TCF4: variants seen among roughly 807,000 people sequenced by gnomAD.
The protein encoded by TCF4 is transcription factor 4.
Under a neutral mutation model 82.1 loss-of-function variants are expected in TCF4, and 3 were observed. The ratio of observed to expected loss-of-function variants is 0.04; its 90% CI spans 0.02 to 0.09. The LOEUF is 0.09. Among genes scored for constraint, TCF4 ranks in the 10% least tolerant of loss-of-function variants. The pLI, the probability that TCF4 is intolerant of heterozygous loss-of-function variation, is 1.00. For missense variants in TCF4, 518 were observed against 852.7 expected, an observed-to-expected ratio of 0.61 and a Z score of 4.89; for synonymous variants, 276 against 309.6, an observed-to-expected ratio of 0.89 and a Z score of 1.14.
rs541744884 is a variant in TCF4, at chr18:55,391,779, A to T, written c.369+11675T>A. Among the ~76,000 whole-genome samples the T allele has an allele frequency of 1.8e-4, 27 of 149,800 alleles. No homozygotes were observed. The East Asian group carries it at 1.8e-3, about 10-fold the overall frequency. On this transcript the variant is annotated intron_variant, in intron 6 of 19. Transcript: ENST00000354452. ...GAAACCCTGTCTCTACAAAAATATT[A>T]AAAAAAAACTTAGCCAGCCCAGGTG... is the stretch of plus-strand genomic sequence containing the variant.
rs1326169303 is a variant in TCF4, at chr18:55,302,960, G to C, written c.550-23304C>G. On this transcript the variant is annotated intron_variant, in intron 8 of 19. Coordinates refer to ENST00000354452, the MANE Select transcript of TCF4 (RefSeq NM_001083962.2). Reference sequence around the variant, plus strand: ...TCCCAAGTAGAGAGAAGCTACTAAAGAGAGCCCAGTTGTCAAAAGCATCCC... The same window carrying C: ...TCCCAAGTAGAGAGAAGCTACTAAACAGAGCCCAGTTGTCAAAAGCATCCC... Among the ~76,000 whole-genome samples, 3 of 152,256 alleles carry C rather than the reference G, an allele frequency of 2.0e-5. No homozygotes were observed. In the East Asian group the frequency reaches 5.8e-4, roughly 29 times the overall value.
At position 55,471,338 on chromosome 18, in the gene TCF4, G is replaced by C. The variant is rs2096174365; in HGVS notation, c.146-7201C>G. On this transcript the variant is annotated intron_variant, in intron 3 of 19. Coordinates refer to ENST00000354452, the MANE Select transcript of TCF4 (RefSeq NM_001083962.2). Reference sequence around the variant, plus strand: ...GCACTAACAAGAAACTCGACAAGAAGCTTCCAGCACTTCCCAAATCTGACT... The same window carrying C: ...GCACTAACAAGAAACTCGACAAGAACCTTCCAGCACTTCCCAAATCTGACT... Among the ~76,000 whole-genome samples, 3 of 152,168 alleles carry C rather than the reference G, an allele frequency of 2.0e-5. No homozygotes were observed. The South Asian group carries it at 6.2e-4, about 32-fold the overall frequency.
intron 3 of TCF4, among the ~76,000 whole-genome samples, chr18:55,546,183 T>A (rs1021810299): frequency 6.6e-6 from 1 of 151,866 alleles, no homozygotes; most frequent in Non-Finnish European, 1.5e-5. Flanking sequence ...AAAAAAAATT[T>A]TTTAAATCAG....
At chr18:55,399,366 C>T (rs1346098854) in intron 6 of TCF4, among the ~76,000 whole-genome samples, 3 of 152,164 alleles carry the variant, frequency 2.0e-5, no homozygotes, top group Admixed American at 2.0e-4. Flanking sequence ...TAGATTAGGT[C>T]TAATTCTTAA....
chr18:55,250,422 T>G (rs2145328770), intron 15 of TCF4, among the ~76,000 whole-genome samples: 3 of 152,284 alleles, frequency 2.0e-5, no homozygotes, highest in Middle Eastern at 6.8e-3. Context: ...AATCACAAGC[T>G]CCTAGCATTT....
chr18:55,536,377 A>G (rs1318997423), intron 3 of TCF4, among the ~76,000 whole-genome samples: 2 of 152,214 alleles, frequency 1.3e-5, no homozygotes, highest in Non-Finnish European at 2.9e-5. Context: ...TGACCTCTTT[A>G]AACCTCTTTC....
At chr18:55,468,519 G>A (rs762745209) in intron 3 of TCF4, among the ~76,000 whole-genome samples, 1 of 152,146 alleles carries the variant, frequency 6.6e-6, no homozygotes, top group Non-Finnish European at 1.5e-5. Flanking sequence ...GGCTCAATAC[G>A]ATAGTTCAGC....
intron 8 of TCF4, among the ~76,000 whole-genome samples, chr18:55,307,925 A>G (rs1653254426): frequency 6.6e-6 from 1 of 152,142 alleles, no homozygotes; most frequent in Non-Finnish European, 1.5e-5. Context: ...GGCACCAACA[A>G]TCTCATTCCC....
intron 2 of TCF4, among the ~76,000 whole-genome samples, chr18:55,601,646 C>T (rs895226206): frequency 6.6e-6 from 1 of 152,022 alleles, no homozygotes; most frequent in African/African-American, 2.4e-5. Context: ...TAGCTGGGTG[C>T]GGTGGTGGGC....
intron 8 of TCF4, among the ~76,000 whole-genome samples, chr18:55,312,243 A>G (rs1413762006): frequency 3.9e-5 from 6 of 152,220 alleles, no homozygotes; most frequent in Non-Finnish European, 7.3e-5. Flanking sequence ...TCTAATACGG[A>G]TTATCCTGAA....
intron 15 of TCF4, among the ~76,000 whole-genome samples, chr18:55,236,797 G>A (rs2049584389): frequency 6.6e-6 from 1 of 152,114 alleles, no homozygotes; most frequent in East Asian, 1.9e-4. Context: ...AATTCTTCGT[G>A]CTGATTCATA....
chr18:55,416,143 G>A (rs551906499), intron 5 of TCF4, among the ~76,000 whole-genome samples: 1 of 152,048 alleles, frequency 6.6e-6, no homozygotes, highest in Non-Finnish European at 1.5e-5. Context: ...CACACATATA[G>A]GTAGGGCACT....
intron 8 of TCF4, among the ~76,000 whole-genome samples, chr18:55,347,876 G>A (rs1256844808): frequency 6.6e-6 from 1 of 152,150 alleles, no homozygotes; most frequent in Non-Finnish European, 1.5e-5. Context: ...AGTGTCTTAT[G>A]TAGTCATAAT....
At chr18:55,533,524 C>T (rs2097089207) in intron 3 of TCF4, among the ~76,000 whole-genome samples, 3 of 152,166 alleles carry the variant, frequency 2.0e-5, no homozygotes, top group Admixed American at 2.0e-4. Context: ...CACCTCATAG[C>T]CTCAGCTCCC....
chr18:55,402,131 T>C (rs1447621468), intron 6 of TCF4: 3 of 985,462 alleles, frequency 3.0e-6, no homozygotes, highest in Non-Finnish European at 2.4e-6. Context: ...CAAACTGCCA[T>C]GAACTGCACT....
chr18:55,336,600 A>G (rs1182109754), intron 8 of TCF4, among the ~76,000 whole-genome samples: 1 of 152,164 alleles, frequency 6.6e-6, no homozygotes, highest in Non-Finnish European at 1.5e-5. Context: ...CTACCATTTG[A>G]AGGCCAGCAA....
At chr18:55,579,849 T>A (rs1327661117) in intron 3 of TCF4, among the ~76,000 whole-genome samples, 1 of 152,012 alleles carries the variant, frequency 6.6e-6, no homozygotes, top group Non-Finnish European at 1.5e-5. Context: ...TCATAGCAGA[T>A]GAAAGCAAAA....
chr18:55,314,445 T>C (rs908048907), intron 8 of TCF4, among the ~76,000 whole-genome samples: 1 of 152,088 alleles, frequency 6.6e-6, no homozygotes, highest in African/African-American at 2.4e-5. Context: ...TTTTAAGTAA[T>C]ACATTTGATT....
Position 55,228,142 on chromosome 18 carries a change from G to C in TCF4, c.*4+79C>G, listed in dbSNP as rs1599340889. On this transcript the variant is annotated intron_variant, in intron 19 of 19. Transcript: ENST00000354452. Reference sequence around the variant, plus strand: ...TGAAAGAAAATATCTGTCAATTTGGGTGAAATTCACTTTTATGGCTGATAC... The same window carrying C: ...TGAAAGAAAATATCTGTCAATTTGGCTGAAATTCACTTTTATGGCTGATAC... 6 of 1,571,510 alleles carry C rather than the reference G, an allele frequency of 3.8e-6. No homozygotes were observed. In the East Asian group the frequency reaches 1.3e-4, roughly 35 times the overall value.
Sources: allele counts gnomAD v4.1 joint callset (sites outside exome capture counted in the v4.1 genomes callset), GRCh38; gene constraint gnomAD v4.1.1; transcripts MANE v1.5; gene names NCBI Gene and HGNC (gene_info 2026-07-23, HGNC 2026-07-21).